Variants in IRGM observed in about 807,000 individuals in gnomAD.
IRGM encodes the protein immunity related GTPase M.
For missense variants in IRGM, 288 were observed against 219.9 expected (o/e 1.31, Z -1.96); for synonymous variants, 98 against 80.6 (o/e 1.22, Z -1.16).
chr5:150,858,616 T>C (rs1754091906), intron 1 of IRGM, among the ~76,000 whole-genome samples: 1 of 152,124 alleles, frequency 6.6e-6, no homozygotes, highest in African/African-American at 2.4e-5. Flanking sequence ...CAGTGGTTTG[T>C]AGTTCTCCTT....
In IRGM at chr5:150,848,500, A is replaced by G. The variant is rs774097437; in HGVS notation, c.377A>G (p.Asn126Ser). 10 of 1,551,730 alleles carry G rather than the reference A, an allele frequency of 6.4e-6. No individual in the cohort carries two copies. The South Asian group carries it at 8.3e-5, about 13-fold the overall frequency. ...GTTGCATCTGCACAATTCAGCATGAATCATGTGATGCTTGCCAAAACCGCT... is the reference window on the plus strand; with the variant it reads ...GTTGCATCTGCACAATTCAGCATGAGTCATGTGATGCTTGCCAAAACCGCT... ...IMVASAQFSM[N>S]HVMLAKTAED... The change falls in exon 2 of 2, where the codon AAT (asparagine) becomes AGT (serine). Residue 126 changes from asparagine (N) to serine (S), a missense_variant. By Grantham distance (46) the Asn-to-Ser change is conservative (BLOSUM62 1). Coordinates refer to ENST00000522154, the MANE Select transcript of IRGM (RefSeq NM_001145805.2).
rs1474015050 is a variant in IRGM, at chr5:150,856,968, A to G, written c.158+8314A>G. On this transcript the variant is annotated intron_variant and NMD_transcript_variant, in intron 1 of 3. Transcript: ENST00000520549. ...TATTATACTTTAAGGTTTAGCGTAC[A>G]TGTGCACAATGTGCAGGTTTGTTAC... Among the ~76,000 whole-genome samples, 49 of 151,106 alleles carry G rather than the reference A, an allele frequency of 3.2e-4. 1 individual carries two copies. Among genetic ancestry groups the G allele is most frequent in the Admixed American group, 3.2e-3 (49 of 15,144 alleles).
At chr5:150,871,060 T>G (rs1000442989) in intron 1 of IRGM, among the ~76,000 whole-genome samples, 5 of 152,128 alleles carry the variant, frequency 3.3e-5, no homozygotes, top group African/African-American at 1.2e-4. Context: ...TGATTTTGAC[T>G]ACTTAAGGGG....
At position 150,872,039 on chromosome 5, in the gene IRGM, G is replaced by A. The variant is rs535384853; in HGVS notation, c.159-5941G>A. 5.3e-4 allele frequency among the ~76,000 whole-genome samples: 81 copies of A among 152,246 alleles called. No homozygotes were observed. The South Asian group carries it at 8.9e-3, about 17-fold the overall frequency. ...CAGACTTTTCTCTGTACCTTATGAT[G>A]TAAAATTTGCTATTTGATTTTCACC... On this transcript the variant is annotated intron_variant and NMD_transcript_variant, in intron 1 of 3. Transcript: ENST00000520549.
intron 1 of IRGM, among the ~76,000 whole-genome samples, chr5:150,856,161 G>A (rs1411963948): frequency 1.3e-5 from 2 of 152,154 alleles, no homozygotes; most frequent in African/African-American, 4.8e-5. Flanking sequence ...GGCTGGGGGT[G>A]GCGGCTCATA....
At chr5:150,870,294 T>C (rs965601286) in intron 1 of IRGM, among the ~76,000 whole-genome samples, 1 of 152,138 alleles carries the variant, frequency 6.6e-6, no homozygotes, top group Non-Finnish European at 1.5e-5. Flanking sequence ...GTCTCAGATT[T>C]TGGGGGTTTA....
chr5:150,901,061 T>TA (rs1403946216), downstream of IRGM, among the ~76,000 whole-genome samples: 1 of 152,012 alleles, frequency 6.6e-6, no homozygotes, highest in Non-Finnish European at 1.5e-5. Flanking sequence ...AAGTAGGTGT[T>TA]AAAGGCTGAA....
At chr5:150,869,617 T>G (rs1463699802) in intron 1 of IRGM, among the ~76,000 whole-genome samples, 1 of 152,178 alleles carries the variant, frequency 6.6e-6, no homozygotes, top group Non-Finnish European at 1.5e-5. Flanking sequence ...CCTGGACTTT[T>G]TTGTTGGCAA....
chr5:150,861,521 A>T (rs913282347), intron 1 of IRGM, among the ~76,000 whole-genome samples: 8 of 152,224 alleles, frequency 5.3e-5, no homozygotes, highest in Non-Finnish European at 1.0e-4. Context: ...AGTATCATCA[A>T]TGTAAGAGAT....
At chr5:150,871,766 T>TA (rs1306222798) in intron 1 of IRGM, among the ~76,000 whole-genome samples, 1 of 152,222 alleles carries the variant, frequency 6.6e-6, no homozygotes, top group Non-Finnish European at 1.5e-5. Context: ...TGTAGACACT[T>TA]AGAAATGTCT....
At chr5:150,859,272 G>A (rs1754102093) in intron 1 of IRGM, among the ~76,000 whole-genome samples, 1 of 152,184 alleles carries the variant, frequency 6.6e-6, no homozygotes. Flanking sequence ...TCCCAGGGAT[G>A]AAGCCCACTT....
At chr5:150,853,283 G>A (rs1202182897), downstream of IRGM, among the ~76,000 whole-genome samples, 1 of 152,060 alleles carries the variant, frequency 6.6e-6, no homozygotes, top group Admixed American at 6.5e-5. Flanking sequence ...CATAGTAATT[G>A]GGAAAGACAC....
At chr5:150,862,391 G>A (rs1348611111) in intron 1 of IRGM, among the ~76,000 whole-genome samples, 1 of 152,196 alleles carries the variant, frequency 6.6e-6, no homozygotes, top group Non-Finnish European at 1.5e-5. Context: ...TACAAGGGGT[G>A]AATATCAAAG....
At chr5:150,849,587 T>C (rs1448432671), downstream of IRGM, among the ~76,000 whole-genome samples, 1 of 150,216 alleles carries the variant, frequency 6.7e-6, no homozygotes, top group East Asian at 2.0e-4. Context: ...TATATGGGTG[T>C]AATTTTTCTT....
chr5:150,891,627 T>A (rs1387767996), intron 3 of IRGM, among the ~76,000 whole-genome samples: 2 of 152,148 alleles, frequency 1.3e-5, no homozygotes, highest in Non-Finnish European at 2.9e-5. Context: ...CCAAGTTATA[T>A]TGTGCCACTT....
At chr5:150,892,638 T>A (rs1754629140) in intron 3 of IRGM, among the ~76,000 whole-genome samples, 1 of 152,132 alleles carries the variant, frequency 6.6e-6, no homozygotes, top group Non-Finnish European at 1.5e-5. Context: ...TATTCTTGCC[T>A]TTTTCCAGCC....
At chr5:150,878,531 C>T (rs1301873377) in intron 2 of IRGM, among the ~76,000 whole-genome samples, 1 of 152,018 alleles carries the variant, frequency 6.6e-6, no homozygotes, top group African/African-American at 2.4e-5. Flanking sequence ...TTACTTTCCA[C>T]TTAAAATAAA....
chr5:150,892,122 A>G (rs993187697), intron 3 of IRGM, among the ~76,000 whole-genome samples: 2 of 152,124 alleles, frequency 1.3e-5, no homozygotes, highest in Non-Finnish European at 2.9e-5. Context: ...TCTCACTGTC[A>G]GGATGTATAA....
intron 1 of IRGM, among the ~76,000 whole-genome samples, chr5:150,854,485 A>G (rs1754020322): frequency 6.6e-6 from 1 of 152,146 alleles, no homozygotes; most frequent in African/African-American, 2.4e-5. Context: ...CACTGATTAT[A>G]GTGGAGGACT....
Sources: allele counts gnomAD v4.1 joint callset (sites outside exome capture counted in the v4.1 genomes callset), GRCh38; gene constraint gnomAD v4.1.1; transcripts MANE v1.5; gene names NCBI Gene and HGNC (gene_info 2026-07-23, HGNC 2026-07-21).